RNF20: variants seen among roughly 807,000 people sequenced by gnomAD.
The protein encoded by RNF20 is ring finger protein 20, also known as E3 ubiquitin-protein ligase BRE1A.
Under a neutral mutation model 126.2 loss-of-function variants are expected in RNF20, and 84 were observed. The observed-to-expected ratio is 0.67, with a 90% confidence interval of 0.56 to 0.80. RNF20 has a LOEUF of 0.80. Among genes scored for constraint, RNF20 ranks in the 30% least tolerant of loss-of-function variants. The pLI, the probability that RNF20 is intolerant of heterozygous loss-of-function variation, is 0.00. For missense variants in RNF20, 869 were observed against 1,188.2 expected (o/e 0.73, Z 3.95); for synonymous variants, 400 against 414.3 (o/e 0.97, Z 0.42).
intron 5 of RNF20, among the ~76,000 whole-genome samples, chr9:101,542,885 C>A (rs751917602): frequency 7.9e-5 from 12 of 152,084 alleles, no homozygotes; most frequent in Non-Finnish European, 1.6e-4. Context: ...AAGGCAATTG[C>A]CATTGGTAAG....
rs1827246447 is a variant in RNF20 at position 101,540,647 on chromosome 9, C to T, written c.445+10C>T. The T allele has an allele frequency of 6.2e-6, 10 of 1,613,704 alleles. No homozygotes were observed. Among genetic ancestry groups the T allele is most frequent in the South Asian group, 1.1e-5 (1 of 91,050 alleles). On this transcript the variant is annotated intron_variant, in intron 4 of 19. Transcript: ENST00000389120. The stretch of plus-strand genomic sequence containing the variant: ...GATGACCGAGAGAGAGGCAAGTGTT[C>T]GTGATGGATTCTATCACTGCATGCT...
intron 16 of RNF20, among the ~76,000 whole-genome samples, chr9:101,559,623 A>G (rs1285388962): frequency 6.6e-6 from 1 of 152,088 alleles, no homozygotes; most frequent in East Asian, 1.9e-4. Context: ...GTTCTTGGTT[A>G]AGTATATTCC....
chr9:101,554,650 G>C (rs754491187), intron 14 of RNF20, 44 bp from the exon 15 acceptor site: 2 of 1,562,466 alleles, frequency 1.3e-6, no homozygotes, highest in Non-Finnish European at 1.8e-6. Context: ...TTTTGAAAAT[G>C]TGTTATAACT....
In RNF20 at chr9:101,562,268, G is replaced by T. The variant is rs754694865; in HGVS notation, c.2774G>T (p.Cys925Phe). ...TAGGCACGCTTGACCTGTCCGTGCT[G>T]TAACATGCGTAAAAAGGATGCTGTT... ...DYKARLTCPC[C>F]NMRKKDAVLT... is the part of the protein sequence containing the mutation. Residue 925 changes from cysteine to phenylalanine, a missense_variant, in exon 20 of 20, where the codon TGT (cysteine) becomes TTT (phenylalanine). Physicochemically the swap from Cys to Phe is radical, Grantham distance 205. Coordinates refer to ENST00000389120, the MANE Select transcript of RNF20 (RefSeq NM_019592.7). The T allele has an allele frequency of 6.2e-7, 1 of 1,613,906 alleles. No individual in the cohort carries two copies. The highest frequency in any genetic ancestry group is 8.5e-7 in the Non-Finnish European group (1 of 1,179,910).
chr9:101,540,414 T>C lies in RNF20; in HGVS notation c.297+44T>C, dbSNP rs1346698938. 1.8e-5 allele frequency: 29 copies of C among 1,612,556 alleles called. No homozygotes were observed. The East Asian group carries it at 6.2e-4, about 35-fold the overall frequency. ...TGTTCAGATTTTTATTTGACCAATT[T>C]AGTTCTCCTTACTGTTCTCTTCATT... is the stretch of plus-strand genomic sequence containing the variant. On this transcript the variant is annotated intron_variant, in intron 3 of 19. Coordinates refer to ENST00000389120, the MANE Select transcript of RNF20 (RefSeq NM_019592.7).
At position 101,540,297 on chromosome 9, in the gene RNF20, A is replaced by T; in HGVS notation, c.224A>T (p.His75Leu). Reference sequence around the variant, plus strand: ...GCCATTGAAGATGAACTTCGTGAGCACATTGAAAAACTGGAACGACGACAG... The same window carrying T: ...GCCATTGAAGATGAACTTCGTGAGCTCATTGAAAAACTGGAACGACGACAG... ...RQAIEDELRE[H>L]IEKLERRQAT... The change falls in exon 3 of 20, where the codon CAC becomes CTC. Residue 75 changes from histidine to leucine, a missense_variant. His to Leu is a moderately conservative substitution (Grantham distance 99). Transcript: ENST00000389120. The T allele has an allele frequency of 6.2e-7, 1 of 1,614,214 alleles. No homozygotes were observed. The highest frequency in any genetic ancestry group is 1.3e-5 in the African/African-American group (1 of 75,062).
chr9:101,549,039 C>T (rs2118704625), intron 9 of RNF20, among the ~76,000 whole-genome samples: 1 of 152,262 alleles, frequency 6.6e-6, no homozygotes, highest in Non-Finnish European at 1.5e-5. Context: ...AGTGTAGGGG[C>T]CAGCCCCACA....
intron 10 of RNF20, among the ~76,000 whole-genome samples, chr9:101,551,206 T>C (rs1242878078): frequency 1.3e-5 from 2 of 152,184 alleles, no homozygotes; most frequent in East Asian, 3.8e-4. Context: ...TGAGAGAGCA[T>C]GAGAAATAGT....
rs1456634288 is a variant in RNF20 at position 101,544,880 on chromosome 9, C to A, written c.742C>A (p.Gln248Lys). 1 of 1,601,860 alleles carries A rather than the reference C, an allele frequency of 6.2e-7. No individual in the cohort carries two copies. Among genetic ancestry groups the A allele is most frequent in the Non-Finnish European group, 8.6e-7 (1 of 1,168,934 alleles). The change falls in exon 6 of 20, where the codon CAG (glutamine) becomes AAG (lysine). Residue 248 changes from glutamine (Q) to lysine (K), a missense_variant. Gln to Lys is a moderately conservative substitution (Grantham distance 53). This residue lies in a region of RNF20 where 103 missense variants were observed against 94.3 expected (regional missense o/e 1.09). Transcript: ENST00000389120. ...TCAGGAAAAGCATCGCACCATGTCT[C>A]AGGAGGTACTTAACCAAAAAGGAGA... ...LLQEKHRTMSQEFSKLQSKVE... is the reference protein window; with the variant it reads ...LLQEKHRTMSKEFSKLQSKVE...
intron 13 of RNF20, among the ~76,000 whole-genome samples, chr9:101,553,110 T>C (rs1161599207): frequency 1.3e-5 from 2 of 152,244 alleles, no homozygotes; most frequent in African/African-American, 4.8e-5. Flanking sequence ...ATTTAAATGA[T>C]ATTAAGTGGA....
At chr9:101,549,643 G>A (rs1239961115) in intron 9 of RNF20, among the ~76,000 whole-genome samples, 2 of 152,082 alleles carry the variant, frequency 1.3e-5, no homozygotes, top group African/African-American at 2.4e-5. Context: ...TTACGCTACC[G>A]CTAGACCACG....
At chr9:101,536,943 G>T (rs572084055) in intron 2 of RNF20, among the ~76,000 whole-genome samples, 1 of 152,298 alleles carries the variant, frequency 6.6e-6, no homozygotes, top group Admixed American at 6.5e-5. Context: ...CGCTATAACT[G>T]CATCTCTCCA....
intron 9 of RNF20, among the ~76,000 whole-genome samples, chr9:101,550,222 A>G (rs567951943): frequency 8.5e-5 from 13 of 152,346 alleles, no homozygotes; most frequent in African/African-American, 3.1e-4. Context: ...AGGCATAACT[A>G]TTTTTGATAC....
chr9:101,552,110 T>G, intron 11 of RNF20, 31 bp from the exon 12 acceptor site: 1 of 1,614,012 alleles, frequency 6.2e-7, no homozygotes, highest in Non-Finnish European at 8.5e-7. Context: ...TTACCACGGT[T>G]CCTCATAACA....
chr9:101,557,367 C>CTTCCT lies in RNF20; in HGVS notation c.2170-15_2170-11dup. ...GGAAGATTCTTCTAAAATCAAATCT[C>CTTCCT]TTCCTTCATCCTTTAGGAAGAAGAA... On this transcript the variant is annotated splice_polypyrimidine_tract_variant and intron_variant, in intron 15 of 19. Transcript: ENST00000389120. The CTTCCT allele has an allele frequency of 6.3e-7, 1 of 1,590,300 alleles. No individual in the cohort carries two copies.
At position 101,535,519 on chromosome 9, in the gene RNF20, G is replaced by A. The variant is rs1827169506; in HGVS notation, c.96G>A (p.Val32=). 6.2e-7 allele frequency: 1 copy of A among 1,613,532 alleles called. No individual in the cohort carries two copies. Among genetic ancestry groups the A allele is most frequent in the East Asian group, 2.2e-5 (1 of 44,820 alleles). The part of the protein sequence containing the change: ...KAAVEDSGTT[V]ETIKLGGVSS... ...CTGTTGAAGATTCAGGGACCACAGTGGAAACAATTAAGCTAGGAGGTGTCT... is the reference window on the plus strand; with the variant it reads ...CTGTTGAAGATTCAGGGACCACAGTAGAAACAATTAAGCTAGGAGGTGTCT... Residue 32 remains valine, a synonymous_variant, in exon 2 of 20, where the codon GTG becomes GTA. Coordinates refer to ENST00000389120, the MANE Select transcript of RNF20 (RefSeq NM_019592.7).
chr9:101,560,628 T>C (rs1827610699), intron 16 of RNF20, 173 bp from the exon 17 acceptor site: 1 of 476,610 alleles, frequency 2.1e-6, no homozygotes. Flanking sequence ...ATATTAAAAG[T>C]AAAGCTTTCA....
In RNF20 at chr9:101,552,603, G is replaced by A; in HGVS notation, c.1751G>A (p.Arg584Gln). Residue 584 changes from arginine to glutamine, a missense_variant, in exon 13 of 20, where the codon CGG (arginine) becomes CAG (glutamine). Physicochemically the swap from Arg to Gln is conservative, Grantham distance 43. This residue lies in a region of RNF20 where 231 missense variants were observed against 263.6 expected (regional missense o/e 0.88). Coordinates refer to ENST00000389120, the MANE Select transcript of RNF20 (RefSeq NM_019592.7). The part of the protein sequence containing the change: ...REKERERERE[R>Q]EKEKEREREK... ...AAGGAGAGGGAACGAGAAAGAGAAC[G>A]GGAGAAGGAGAAGGAGAGAGAACGA... is the stretch of plus-strand genomic sequence containing the variant. The A allele has an allele frequency of 1.9e-6, 3 of 1,563,176 alleles. No homozygotes were observed. The highest frequency in any genetic ancestry group is 1.8e-6 in the Non-Finnish European group (2 of 1,133,776).
rs569149376 is a variant in RNF20, at chr9:101,547,262, A to G, written c.972+48A>G. The G allele has an allele frequency of 6.2e-6, 10 of 1,604,958 alleles. No individual in the cohort carries two copies. In the Admixed American group the frequency reaches 1.0e-4, roughly 16 times the overall value. ...TGTTTTGGACTGTATGTCAGCTTTC[A>G]TGCTTAGGTACTTAGGACTGTGTTC... On this transcript the variant is annotated intron_variant, in intron 8 of 19. Transcript: ENST00000389120.
Sources: gnomAD v4.1 joint callset for allele counts (sites outside exome capture counted in the v4.1 genomes callset) on GRCh38, gnomAD v4.1.1 for gene constraint, gnomAD v4.1.1 regional missense constraint, MANE v1.5 for transcripts, NCBI Gene and HGNC (gene_info 2026-07-23, HGNC 2026-07-21) for gene names.